NCOA3: variants seen among roughly 807,000 people sequenced by gnomAD.
NCOA3 encodes the protein CBP-interacting protein.
Under a neutral mutation model 158.8 loss-of-function variants are expected in NCOA3, and 51 were observed. The observed-to-expected ratio is 0.32, with a 90% CI of 0.26 to 0.41. NCOA3 has a LOEUF of 0.41. NCOA3 is among the 10% of genes least tolerant of loss of function. The pLI is 1.00. For synonymous variants in NCOA3, 537 were observed against 592.4 expected (o/e 0.91, Z 1.36); for missense variants, 1,510 against 1,746.6 (o/e 0.86, Z 2.41).
rs1360012744 is a variant in NCOA3 at position 47,583,268 on chromosome 20, C to A, written c.-20+7C>A. ...CCTTTGACTGGTTAGCCAGGTAATT[C>A]AGCTTTAGTTTGATTTGATCCTTTG... On this transcript the variant is annotated splice_region_variant and intron_variant, in intron 2 of 22. Coordinates refer to ENST00000371998, the MANE Select transcript of NCOA3 (RefSeq NM_181659.3). The A allele has an allele frequency of 2.5e-6, 1 of 398,420 alleles. No individual in the cohort carries two copies. The highest frequency in any genetic ancestry group is 2.1e-5 in the African/African-American group (1 of 48,618). 24.7% of individuals were successfully genotyped at this position (398,420 alleles called of 1,614,324 possible).
In NCOA3 at chr20:47,635,313, G is replaced by GT; in HGVS notation, c.1113-5dup. ...ATTTTTTAGTAAAAGTTTGATGTTTGTTTTGCAGAGAACAGAATGGATATA... is the reference window on the plus strand; with the variant it reads ...ATTTTTTAGTAAAAGTTTGATGTTTGTTTTTGCAGAGAACAGAATGGATATA... On this transcript the variant is annotated splice_polypyrimidine_tract_variant and intron_variant, in intron 10 of 22. Coordinates refer to ENST00000371998, the MANE Select transcript of NCOA3 (RefSeq NM_181659.3). 6.4e-7 allele frequency: 1 copy of GT among 1,557,622 alleles called. No individual in the cohort carries two copies. Among genetic ancestry groups the GT allele is most frequent in the Non-Finnish European group, 8.7e-7 (1 of 1,145,956 alleles).
At chr20:47,507,824 G>A (rs575629031) in intron 1 of NCOA3, among the ~76,000 whole-genome samples, 14 of 152,200 alleles carry the variant, frequency 9.2e-5, no homozygotes, top group Admixed American at 2.6e-4. Flanking sequence ...TCTCCATGTG[G>A]GTCAGGCTGG....
chr20:47,537,028 C>A (rs2084645315), intron 1 of NCOA3, among the ~76,000 whole-genome samples: 1 of 151,516 alleles, frequency 6.6e-6, no homozygotes, highest in Admixed American at 6.6e-5. Context: ...TCAGGCTGGT[C>A]TCAAACTCCT....
At chr20:47,631,215 G>C (rs1294196444) in intron 8 of NCOA3, 2 of 152,198 alleles carry the variant, frequency 1.3e-5, no homozygotes, top group Non-Finnish European at 2.9e-5. Flanking sequence ...AATTTTCTAA[G>C]GGCAGTTTCA....
At chr20:47,652,242 A>G (rs1460026883) in intron 20 of NCOA3, among the ~76,000 whole-genome samples, 164 bp from the exon 21 acceptor site, 2 of 152,104 alleles carry the variant, frequency 1.3e-5, no homozygotes, top group African/African-American at 2.4e-5. Flanking sequence ...GTGAGAATCT[A>G]GAATACCTGG....
rs2086739937 is a variant in NCOA3 at position 47,649,130 on chromosome 20, C to T, written c.3651+21C>T. ...CCCAGGTGAGGATGATAAGCCTCTC[C>T]ACATGCATTGCTCTGTGCTCAGGAC... On this transcript the variant is annotated intron_variant, in intron 19 of 22. Coordinates refer to ENST00000371998, the MANE Select transcript of NCOA3 (RefSeq NM_181659.3). 8 of 1,509,028 alleles carry T rather than the reference C, an allele frequency of 5.3e-6. No homozygotes were observed. In the Admixed American group the frequency reaches 1.0e-4, roughly 19 times the overall value. 93.5% of individuals were successfully genotyped at this position (1,509,028 alleles called of 1,614,324 possible).
At chr20:47,534,107 T>TGG (rs202239860) in intron 1 of NCOA3, among the ~76,000 whole-genome samples, 7 of 35,718 alleles carry the variant, frequency 2.0e-4, no homozygotes, top group Admixed American at 3.8e-4. Flanking sequence ...ATGGTTTCAG[T>TGG]GGGGGGGGCG....
intron 5 of NCOA3, 147 bp from the exon 6 acceptor site, chr20:47,626,854 GT>G: frequency 1.6e-6 from 1 of 637,622 alleles, no homozygotes; most frequent in Non-Finnish European, 2.6e-6. Context: ...GGTCCCCACC[GT>G]TATGACCTCA....
intron 1 of NCOA3, among the ~76,000 whole-genome samples, chr20:47,533,565 C>G (rs1280376470): frequency 1.3e-5 from 2 of 152,128 alleles, no homozygotes; most frequent in East Asian, 1.9e-4. Flanking sequence ...TAAATGAACT[C>G]TATCAGGGTC....
chr20:47,560,785 C>T (rs2085087871), intron 1 of NCOA3, among the ~76,000 whole-genome samples: 1 of 151,790 alleles, frequency 6.6e-6, no homozygotes, highest in African/African-American at 2.4e-5. Context: ...TGTAAATTCT[C>T]GATGTGTTAA....
intron 1 of NCOA3, among the ~76,000 whole-genome samples, chr20:47,511,558 T>TATATATATACACACACACA (rs1569310957): frequency 3.1e-5 from 1 of 31,922 alleles, no homozygotes; most frequent in African/African-American, 6.0e-5. Flanking sequence ...TATATATATT[T>TATATATATACACACACACA]CTTTTTTTTT....
chr20:47,525,739 G>A (rs1369418134), intron 1 of NCOA3, among the ~76,000 whole-genome samples: 10 of 96,108 alleles, frequency 1.0e-4, no homozygotes, highest in Admixed American at 4.1e-4. Flanking sequence ...CATCCCGGAG[G>A]GGGCGGCTGG....
intron 1 of NCOA3, among the ~76,000 whole-genome samples, chr20:47,545,908 T>A (rs2084820932): frequency 1.3e-5 from 2 of 151,920 alleles, no homozygotes; most frequent in African/African-American, 4.8e-5. Context: ...AGTGATGGGG[T>A]TTTGCCATGT....
intron 8 of NCOA3, chr20:47,631,468 C>CT (rs1165682670): frequency 6.6e-6 from 1 of 152,166 alleles, no homozygotes; most frequent in Non-Finnish European, 1.5e-5. Flanking sequence ...GTGAAAAGGC[C>CT]TAGACAGTTT....
intron 2 of NCOA3, among the ~76,000 whole-genome samples, chr20:47,605,388 A>G (rs1183987759): frequency 6.6e-6 from 1 of 151,718 alleles, no homozygotes; most frequent in Admixed American, 6.6e-5. Flanking sequence ...TGCATTACTT[A>G]GGTTTTGTTT....
intron 1 of NCOA3, among the ~76,000 whole-genome samples, chr20:47,564,135 C>T (rs970376314): frequency 2.5e-4 from 37 of 149,362 alleles, no homozygotes; most frequent in African/African-American, 8.3e-4. Context: ...GGGGAAAGAG[C>T]GAGACCCTGT....
rs112165783 is a variant in NCOA3 at position 47,642,671 on chromosome 20, A to G, written c.3252+287A>G. On this transcript the variant is annotated intron_variant, in intron 17 of 22. Coordinates refer to ENST00000371998, the MANE Select transcript of NCOA3 (RefSeq NM_181659.3). ...TTAAGCTACTGTACTGTTCTTAAAA[A>G]TGTGACCTTTTATTCATGTTAACAG... is the stretch of plus-strand genomic sequence containing the variant. Among the ~76,000 whole-genome samples the G allele has an allele frequency of 2.0e-4, 30 of 152,344 alleles. 4 individuals are homozygous for G. Among genetic ancestry groups the G allele is most frequent in the African/African-American group, 6.3e-4 (26 of 41,572 alleles).
intron 16 of NCOA3, among the ~76,000 whole-genome samples, chr20:47,641,444 C>A (rs554251990): frequency 6.8e-6 from 1 of 147,522 alleles, no homozygotes; most frequent in Admixed American, 6.8e-5. Context: ...CTCTACCTCC[C>A]AAAGTTCTGG....
Position 47,649,089 on chromosome 20 carries a change from C to A in NCOA3, c.3631C>A (p.Gln1211Lys). The A allele has an allele frequency of 6.2e-7, 1 of 1,613,274 alleles. No homozygotes were observed. The highest frequency in any genetic ancestry group is 8.5e-7 in the Non-Finnish European group (1 of 1,179,456). The change falls in exon 19 of 23, where the codon CAG becomes AAG. Residue 1211 changes from glutamine (Q) to lysine (K), a missense_variant. Around this residue, in one of 4 missense-constraint regions of NCOA3, gnomAD observed 1,017 missense variants for 1,098.3 expected, o/e 0.93. Transcript: ENST00000371998. The stretch of plus-strand genomic sequence containing the variant: ...TGCTGCGGTGATGAGGCCTATGATG[C>A]AGCCCCAGGTGAGCTCCCAGGTGAG... ...GGAAVMRPMMQPQVSSQQGFL... is the reference protein window; with the variant it reads ...GGAAVMRPMMKPQVSSQQGFL...
Sources: gnomAD v4.1 joint callset for allele counts (sites outside exome capture counted in the v4.1 genomes callset) on GRCh38, gnomAD v4.1.1 for gene constraint, gnomAD v4.1.1 regional missense constraint, MANE v1.5 for transcripts, NCBI Gene and HGNC (gene_info 2026-07-23, HGNC 2026-07-21) for gene names.